NEK11: variants seen among roughly 807,000 people sequenced by gnomAD.
The protein encoded by NEK11 is NIMA related kinase 11.
A neutral mutation model predicts 80.7 loss-of-function variants in NEK11; 72 were observed. That is an observed-to-expected ratio of 0.89 (90% CI 0.74 to 1.08). The LOEUF (loss-of-function observed/expected upper bound fraction) is 1.08, where lower values mean the gene tolerates loss of function less well. Ranked by LOEUF, NEK11 falls within the 50% of genes least tolerant of loss-of-function variation. NEK11 has a pLI of 0.00. For missense variants in NEK11, 764 were observed against 763.6 expected, an observed-to-expected ratio of 1.00 and a Z score of -0.01; for synonymous variants, 251 against 260.7, an observed-to-expected ratio of 0.96 and a Z score of 0.36.
intron 16 of NEK11, among the ~76,000 whole-genome samples, chr3:131,254,316 A>G (rs980366707): frequency 1.3e-5 from 2 of 152,124 alleles, no homozygotes; most frequent in African/African-American, 2.4e-5. Flanking sequence ...AGCATGAGAA[A>G]TTTTTTTCTG....
At chr3:131,265,843 C>T (rs1431161044) in intron 16 of NEK11, among the ~76,000 whole-genome samples, 1 of 152,138 alleles carries the variant, frequency 6.6e-6, no homozygotes, top group Non-Finnish European at 1.5e-5. Context: ...CCATCTGGTC[C>T]TGGACTTTTT....
intron 5 of NEK11, among the ~76,000 whole-genome samples, chr3:131,112,128 C>T (rs2080234704): frequency 1.3e-5 from 2 of 152,034 alleles, no homozygotes; most frequent in Admixed American, 6.6e-5. Context: ...CAGAAATGTC[C>T]ATAGAAGCCT....
At chr3:131,171,070 C>T in intron 14 of NEK11, 183 bp downstream of exon 14, 1 of 617,116 alleles carries the variant, frequency 1.6e-6, no homozygotes, top group South Asian at 1.9e-5. Flanking sequence ...TTTTTCTGTC[C>T]TCTCTATCTT....
intron 16 of NEK11, among the ~76,000 whole-genome samples, chr3:131,253,454 A>G (rs2095747302): frequency 1.3e-5 from 2 of 152,136 alleles, no homozygotes; most frequent in African/African-American, 4.8e-5. Context: ...AATAGCCAAT[A>G]ATATAGCCAA....
At chr3:131,135,075 T>C (rs2085302117) in intron 7 of NEK11, among the ~76,000 whole-genome samples, 3 of 152,148 alleles carry the variant, frequency 2.0e-5, no homozygotes, top group African/African-American at 7.2e-5. Flanking sequence ...GAAGACAAAG[T>C]AGAAAATTAC....
chr3:131,229,142 A>T (rs928905177), intron 15 of NEK11, among the ~76,000 whole-genome samples: 1 of 152,282 alleles, frequency 6.6e-6, no homozygotes, highest in East Asian at 1.9e-4. Flanking sequence ...AGAACCAAAG[A>T]TCCTGGGCTT....
At chr3:131,075,705 C>G (rs1045614954) in intron 3 of NEK11, among the ~76,000 whole-genome samples, 1 of 152,128 alleles carries the variant, frequency 6.6e-6, no homozygotes, top group Non-Finnish European at 1.5e-5. Context: ...ATGAGCCAGA[C>G]CTTTGGAGGT....
intron 5 of NEK11, among the ~76,000 whole-genome samples, chr3:131,131,374 T>C (rs1349832906): frequency 1.3e-5 from 2 of 152,184 alleles, no homozygotes; most frequent in Non-Finnish European, 2.9e-5. Context: ...TTTGGAAACT[T>C]ACTAATTATT....
chr3:131,107,316 G>T (rs1326145748), intron 4 of NEK11, among the ~76,000 whole-genome samples: 1 of 151,754 alleles, frequency 6.6e-6, no homozygotes, highest in Non-Finnish European at 1.5e-5. Context: ...GATACATTGG[G>T]TTGACATACG....
chr3:131,309,696 A>C (rs1353036700), intron 17 of NEK11, among the ~76,000 whole-genome samples: 1 of 152,080 alleles, frequency 6.6e-6, no homozygotes, highest in East Asian at 1.9e-4. Flanking sequence ...AGACAGCCTG[A>C]AGAATTCTAT....
chr3:131,245,307 G>GTGTGTGTGTGTT (rs1553961380), intron 16 of NEK11, among the ~76,000 whole-genome samples: 74 of 151,634 alleles, frequency 4.9e-4, no homozygotes, highest in African/African-American at 1.6e-3. Context: ...TCCATTGTGT[G>GTGTGTGTGTGTT]TGTGTGTGTG....
chr3:131,215,310 T>G (rs9824330), intron 14 of NEK11, among the ~76,000 whole-genome samples: 33,801 of 149,294 alleles, frequency 0.23, 4,797 homozygotes, highest in Middle Eastern at 0.38. Flanking sequence ...CATTAGGAGA[T>G]ATACCTAATG....
Position 131,132,746 on chromosome 3 carries a change from AG to A in NEK11, c.459del (p.Ile154TyrfsTer6). On this transcript the variant is annotated frameshift_variant and splice_region_variant, in exon 6 of 18. Transcript: ENST00000383366. LOFTEE classifies it high-confidence loss of function. ...GTATATCTTTTTTGCCTTTTGTAGG[AG>A]GATACTTCATCGAGACTTAAAGTCA... ...LLGVDYMHER[R>X]ILHRDLKSKN... 6.6e-7 allele frequency: 1 copy of A among 1,507,694 alleles called. No individual in the cohort carries two copies. The highest frequency in any genetic ancestry group is 9.1e-7 in the Non-Finnish European group (1 of 1,102,834). The allele number at this position is 1,507,694 out of a possible 1,614,324, so 93.4% of individuals were successfully genotyped here.
intron 17 of NEK11, among the ~76,000 whole-genome samples, chr3:131,299,075 AT>A (rs1156310382): frequency 6.6e-6 from 1 of 151,526 alleles, no homozygotes; most frequent in Non-Finnish European, 1.5e-5. Flanking sequence ...CTGTTACAGT[AT>A]TTTTTTACAC....
chr3:131,103,714 A>C (rs2078741203), intron 4 of NEK11, among the ~76,000 whole-genome samples: 1 of 152,116 alleles, frequency 6.6e-6, no homozygotes. Flanking sequence ...AGGGAGATAG[A>C]CCATACCTTT....
chr3:131,125,786 C>T (rs151189589), intron 5 of NEK11, among the ~76,000 whole-genome samples: 11 of 152,208 alleles, frequency 7.2e-5, no homozygotes, highest in African/African-American at 2.4e-4. Context: ...AACCAACATG[C>T]ATTTATTGAG....
intron 10 of NEK11, among the ~76,000 whole-genome samples, chr3:131,159,859 ACAGT>A (rs952836197): frequency 3.3e-5 from 5 of 152,190 alleles, no homozygotes; most frequent in Admixed American, 2.6e-4. Flanking sequence ...CTGAAATAAG[ACAGT>A]CAGGGAAGAA....
chr3:131,154,958 A>C (rs1341748558), intron 9 of NEK11, 78 bp from the exon 10 acceptor site: 1 of 875,890 alleles, frequency 1.1e-6, no homozygotes, highest in Non-Finnish European at 1.9e-6. Flanking sequence ...CCAAATCTGA[A>C]AAGATTCTTG....
At chr3:131,243,960 C>T (rs1373553792) in intron 16 of NEK11, among the ~76,000 whole-genome samples, 1 of 151,834 alleles carries the variant, frequency 6.6e-6, no homozygotes, top group Non-Finnish European at 1.5e-5. Context: ...AATAGGATTG[C>T]TATGCTTCAG....
Sources: gnomAD v4.1 joint callset for allele counts (sites outside exome capture counted in the v4.1 genomes callset) on GRCh38, gnomAD v4.1.1 for gene constraint, MANE v1.5 for transcripts, NCBI Gene and HGNC (gene_info 2026-07-23, HGNC 2026-07-21) for gene names.